ANKFN1: variants seen among roughly 807,000 people sequenced by gnomAD.
ANKFN1 encodes the protein ankyrin repeat and fibronectin type-III domain-containing protein 1.
A neutral mutation model predicts 108.7 loss-of-function variants in ANKFN1; 74 were observed. The observed-to-expected ratio is 0.68, with a 90% CI of 0.56 to 0.83. The LOEUF (loss-of-function observed/expected upper bound fraction) is 0.83. Among genes scored for constraint, ANKFN1 ranks in the 40% least tolerant of loss-of-function variants. ANKFN1 has a pLI of 0.00. For missense variants in ANKFN1, 1,505 were observed against 1,382.3 expected (o/e 1.09, Z -1.41); for synonymous variants, 547 against 516.2 (o/e 1.06, Z -0.81).
rs546128004 is a variant in ANKFN1 at position 56,516,298 on chromosome 17, CAGAG to C, written c.*5033_*5036del. ...TGTGTGTGTGCGTGTGTGGTGGTGT[CAGAG>C]AGATGTTTCATAGAAAAAGTAATTT... On this transcript the variant is annotated 3_prime_UTR_variant, in exon 21 of 21. Coordinates refer to ENST00000682825, the MANE Select transcript of ANKFN1 (RefSeq NM_001370326.1). 2.4e-3 allele frequency among the ~76,000 whole-genome samples: 362 copies of C among 151,194 alleles called. 1 individual carries two copies. Among genetic ancestry groups the C allele is most frequent in the African/African-American group, 8.3e-3 (341 of 41,132 alleles).
rs1335488511 is a variant in ANKFN1, at chr17:56,057,541, T to A, written c.288+11216T>A. On this transcript the variant is annotated intron_variant, in intron 4 of 12. Coordinates refer to the ANKFN1 transcript ENST00000635860. The stretch of plus-strand genomic sequence containing the variant: ...TGGCTCACGCCTGTAATCCCAGCAC[T>A]TTGAGAGGCAGAGGCGGGCAGATCA... 2.0e-5 allele frequency among the ~76,000 whole-genome samples: 3 copies of A among 152,210 alleles called. No homozygotes were observed. In the East Asian group the frequency reaches 5.8e-4, roughly 29 times the overall value.
intron 4 of ANKFN1, among the ~76,000 whole-genome samples, chr17:56,350,503 G>C (rs1477301697): frequency 6.6e-6 from 1 of 152,144 alleles, no homozygotes; most frequent in East Asian, 1.9e-4. Flanking sequence ...GTATGTGAAT[G>C]AATATGTTTA....
At chr17:56,282,959 G>T (rs570743852) in intron 3 of ANKFN1, among the ~76,000 whole-genome samples, 6 of 152,200 alleles carry the variant, frequency 3.9e-5, no homozygotes, top group African/African-American at 1.4e-4. Flanking sequence ...TACCCTATAT[G>T]ATTTTATTTT....
intron 4 of ANKFN1, among the ~76,000 whole-genome samples, chr17:56,127,341 T>C (rs572959779): frequency 2.0e-5 from 3 of 151,922 alleles, no homozygotes; most frequent in Non-Finnish European, 4.4e-5. Context: ...TTTGAGAGAC[T>C]CTTGCTCTGT....
chr17:56,222,058 T>C (rs1052158478), intron 2 of ANKFN1, among the ~76,000 whole-genome samples: 2 of 152,240 alleles, frequency 1.3e-5, no homozygotes, highest in Non-Finnish European at 1.5e-5. Flanking sequence ...TCTCAGGTGA[T>C]CTGTGGACAC....
intron 6 of ANKFN1, among the ~76,000 whole-genome samples, chr17:56,365,704 T>C (rs2046642849): frequency 6.6e-6 from 1 of 152,190 alleles, no homozygotes; most frequent in Admixed American, 6.5e-5. Context: ...AAATTCCTAT[T>C]GCTTAATGAT....
intron 8 of ANKFN1, among the ~76,000 whole-genome samples, chr17:56,396,133 A>G (rs1234407888): frequency 2.0e-5 from 3 of 152,146 alleles, no homozygotes; most frequent in Non-Finnish European, 4.4e-5. Flanking sequence ...TCTACACCCT[A>G]CTGTTTGAGA....
At chr17:56,482,137 A>C (rs553756204) in intron 17 of ANKFN1, among the ~76,000 whole-genome samples, 1 of 152,226 alleles carries the variant, frequency 6.6e-6, no homozygotes, top group Non-Finnish European at 1.5e-5. Flanking sequence ...TATAAGAAGC[A>C]TAAATGTTGT....
At position 56,099,118 on chromosome 17, in the gene ANKFN1, C is replaced by A. The variant is rs370002193; in HGVS notation, c.288+52793C>A. On this transcript the variant is annotated intron_variant, in intron 4 of 12. Transcript: ENST00000635860. ...AAGTGACATGCTATTTTTCTGTGCA[C>A]CAATTTTCTACCCCAGGAGGCTTTA... 9.2e-5 allele frequency among the ~76,000 whole-genome samples: 14 copies of A among 152,204 alleles called. No homozygotes were observed. In the South Asian group the frequency reaches 2.9e-3, roughly 32 times the overall value.
intron 20 of ANKFN1, among the ~76,000 whole-genome samples, chr17:56,499,987 G>A (rs905756072): frequency 1.3e-5 from 2 of 152,086 alleles, no homozygotes; most frequent in Non-Finnish European, 2.9e-5. Flanking sequence ...TGTCCCATAG[G>A]GGGCAGCATG....
intron 4 of ANKFN1, among the ~76,000 whole-genome samples, chr17:56,121,692 G>A (rs571618781): frequency 3.3e-5 from 5 of 152,074 alleles, no homozygotes; most frequent in Non-Finnish European, 5.9e-5. Flanking sequence ...AGTTGTCTCC[G>A]CATAGTTATA....
At chr17:56,375,842 A>G (rs544734314) in intron 8 of ANKFN1, among the ~76,000 whole-genome samples, 3 of 152,304 alleles carry the variant, frequency 2.0e-5, no homozygotes, top group South Asian at 2.1e-4. Context: ...TAATCCTCAC[A>G]ATGATCTCAT....
intron 18 of ANKFN1, among the ~76,000 whole-genome samples, chr17:56,488,273 G>A (rs2050917636): frequency 1.3e-5 from 2 of 152,170 alleles, no homozygotes; most frequent in Admixed American, 1.3e-4. Context: ...AGGCAGCCTT[G>A]GTGGGGGTAT....
chr17:56,499,379 G>A (rs115816991), intron 20 of ANKFN1, among the ~76,000 whole-genome samples: 243 of 152,254 alleles, frequency 1.6e-3, no homozygotes, highest in African/African-American at 4.2e-3. Context: ...CAGGGATACA[G>A]CTTCAAAGAT....
chr17:56,321,920 A>G (rs1194202076), intron 3 of ANKFN1, among the ~76,000 whole-genome samples: 1 of 152,162 alleles, frequency 6.6e-6, no homozygotes, highest in Non-Finnish European at 1.5e-5. Flanking sequence ...GAGCTAAACA[A>G]CTGTAGTGGG....
At chr17:56,379,179 A>T (rs1239408357) in intron 8 of ANKFN1, among the ~76,000 whole-genome samples, 2 of 152,144 alleles carry the variant, frequency 1.3e-5, no homozygotes, top group Admixed American at 1.3e-4. Context: ...TGGATGGATC[A>T]TGAGGTGAGG....
chr17:56,463,444 A>G (rs932357656), intron 14 of ANKFN1, among the ~76,000 whole-genome samples: 1 of 152,206 alleles, frequency 6.6e-6, no homozygotes, highest in African/African-American at 2.4e-5. Flanking sequence ...ATAGTAAAAA[A>G]GAAAAAGAAG....
intron 8 of ANKFN1, among the ~76,000 whole-genome samples, chr17:56,390,560 C>T (rs1482968029): frequency 6.6e-6 from 1 of 151,958 alleles, no homozygotes; most frequent in Admixed American, 6.6e-5. Context: ...GGGTATATAC[C>T]CAGTAATGGG....
chr17:56,347,621 A>C (rs2046139560), intron 4 of ANKFN1, among the ~76,000 whole-genome samples: 1 of 152,106 alleles, frequency 6.6e-6, no homozygotes, highest in Non-Finnish European at 1.5e-5. Flanking sequence ...AACAAATAAC[A>C]GAAAGTTGTC....
Sources: allele counts gnomAD v4.1 joint callset (sites outside exome capture counted in the v4.1 genomes callset), GRCh38; gene constraint gnomAD v4.1.1; transcripts MANE v1.5; gene names NCBI Gene and HGNC (gene_info 2026-07-23, HGNC 2026-07-21).